ANO2: variants seen among roughly 807,000 people sequenced by gnomAD.
ANO2 encodes the protein anoctamin-2.
Under a neutral mutation model 124.2 loss-of-function variants are expected in ANO2, and 101 were observed. The observed-to-expected ratio is 0.81, with a 90% CI of 0.69 to 0.96. ANO2 has a LOEUF of 0.96. Ranked by LOEUF, ANO2 falls within the 40% of genes least tolerant of loss-of-function variation. The pLI is 0.00. For missense variants in ANO2, 1,293 were observed against 1,274.5 expected, an observed-to-expected ratio of 1.01 and a Z score of -0.22; for synonymous variants, 486 against 482.5, an observed-to-expected ratio of 1.01 and a Z score of -0.09.
At chr12:5,692,624 C>G (rs1948992141) in intron 14 of ANO2, among the ~76,000 whole-genome samples, 1 of 152,152 alleles carries the variant, frequency 6.6e-6, no homozygotes, top group Non-Finnish European at 1.5e-5. Context: ...GGCGGCAATT[C>G]ACAGTGCCCA....
rs189724426 is a variant in ANO2 at position 5,825,550 on chromosome 12, G to A, written c.892+2219C>T. ...TTCAGAGGGAGGAATGCTGCCACCA[G>A]GAGACACAACAACAATTCCATTAAA... On this transcript the variant is annotated intron_variant, in intron 7 of 24. Transcript: ENST00000682330. Among the ~76,000 whole-genome samples the A allele has an allele frequency of 4.6e-5, 7 of 151,314 alleles. No individual in the cohort carries two copies. The East Asian group carries it at 1.4e-3, about 29-fold the overall frequency.
At position 5,799,488 on chromosome 12, in the gene ANO2, G is replaced by A. The variant is rs747204933; in HGVS notation, c.1055+19C>T. The A allele has an allele frequency of 2.5e-6, 4 of 1,609,518 alleles. No individual in the cohort carries two copies. Among genetic ancestry groups the A allele is most frequent in the Non-Finnish European group, 2.6e-6 (3 of 1,176,394 alleles). On this transcript the variant is annotated intron_variant, in intron 10 of 24. Coordinates refer to ENST00000682330, the MANE Select transcript of ANO2 (RefSeq NM_001364791.2). ...TTGCATCTCCAGGATACTTCCAAAA[G>A]TTCCCTACCACCTCTTACCTGATGA...
At position 5,830,448 on chromosome 12, in the gene ANO2, G is replaced by T; in HGVS notation, c.827C>A (p.Thr276Asn). The T allele has an allele frequency of 6.2e-7, 1 of 1,612,948 alleles. No homozygotes were observed. Among genetic ancestry groups the T allele is most frequent in the Non-Finnish European group, 8.5e-7 (1 of 1,179,570 alleles). ...CCATTTACTTACAATGCGGCTGCGG[G>T]TGGCATTATCAAAGAAGGTGTCCTT... ...QEKDTFFDNA[T>N]RSRIVHEILK... The change falls in exon 6 of 25, where the codon ACC (threonine) becomes AAC (asparagine). Residue 276 changes from threonine (T) to asparagine (N), a missense_variant. Transcript: ENST00000682330.
At chr12:5,933,470 A>G (rs1274258999) in intron 1 of ANO2, among the ~76,000 whole-genome samples, 1 of 152,174 alleles carries the variant, frequency 6.6e-6, no homozygotes, top group Non-Finnish European at 1.5e-5. Flanking sequence ...AGGATAAATG[A>G]GGTGCCAGGA....
At chr12:5,810,302 G>A (rs539429372) in intron 7 of ANO2, among the ~76,000 whole-genome samples, 10 of 152,164 alleles carry the variant, frequency 6.6e-5, no homozygotes, top group East Asian at 3.9e-4. Flanking sequence ...TGGCCTCCCC[G>A]TTCACCCAGA....
At chr12:5,797,127 C>G (rs1227499960) in intron 10 of ANO2, among the ~76,000 whole-genome samples, 1 of 152,212 alleles carries the variant, frequency 6.6e-6, no homozygotes, top group Non-Finnish European at 1.5e-5. Context: ...GCGAGGCACA[C>G]GGAGGGTGCC....
chr12:5,937,582 G>C (rs1027623907), intron 1 of ANO2, among the ~76,000 whole-genome samples: 2 of 151,724 alleles, frequency 1.3e-5, no homozygotes, highest in African/African-American at 4.8e-5. Context: ...TGTCTAGTAA[G>C]TTTTATGGTA....
intron 16 of ANO2, among the ~76,000 whole-genome samples, chr12:5,624,262 A>AACAGACAG (rs372900392): frequency 6.7e-6 from 1 of 149,746 alleles, no homozygotes; most frequent in Non-Finnish European, 1.5e-5. Flanking sequence ...GAGAGAGAGA[A>AACAGACAG]ACAGACAGAC....
chr12:5,920,985 C>T, intron 3 of ANO2, 55 bp downstream of exon 3: 1 of 1,549,582 alleles, frequency 6.5e-7, no homozygotes. Flanking sequence ...TCACTAGGAG[C>T]CCGGTTCTGT....
chr12:5,944,721 C>G (rs186708253), intron 1 of ANO2, among the ~76,000 whole-genome samples: 1 of 152,292 alleles, frequency 6.6e-6, no homozygotes, highest in African/African-American at 2.4e-5. Context: ...GAAAAAACTT[C>G]TGAAACTGAG....
At chr12:5,654,283 T>A (rs147223110) in intron 14 of ANO2, among the ~76,000 whole-genome samples, 192 of 152,346 alleles carry the variant, frequency 1.3e-3, no homozygotes, top group African/African-American at 4.4e-3. Flanking sequence ...ATATTTCTGT[T>A]CAGTTGTTTA....
intron 19 of ANO2, among the ~76,000 whole-genome samples, chr12:5,601,782 G>C (rs1943953442): frequency 6.6e-6 from 1 of 152,234 alleles, no homozygotes; most frequent in African/African-American, 2.4e-5. Flanking sequence ...ACAAATTAAT[G>C]AAAATAGTCA....
intron 1 of ANO2, among the ~76,000 whole-genome samples, chr12:5,940,092 T>TGG (rs1373646265): frequency 3.3e-4 from 41 of 125,164 alleles, no homozygotes; most frequent in African/African-American, 1.5e-3. Context: ...GATGGATGGA[T>TGG]AGATGGATGG....
At chr12:5,910,836 A>T (rs528522306) in intron 3 of ANO2, among the ~76,000 whole-genome samples, 7 of 152,268 alleles carry the variant, frequency 4.6e-5, no homozygotes, top group South Asian at 4.1e-4. Flanking sequence ...ACCATTCTGT[A>T]TCCTCAGACC....
At chr12:5,791,031 C>T (rs548570515) in intron 10 of ANO2, among the ~76,000 whole-genome samples, 1 of 152,284 alleles carries the variant, frequency 6.6e-6, no homozygotes, top group Admixed American at 6.5e-5. Flanking sequence ...ACTTCAGTAA[C>T]ATCATTTCAC....
intron 1 of ANO2, 36 bp from the exon 2 acceptor site, chr12:5,922,840 T>A: frequency 6.8e-7 from 1 of 1,460,862 alleles, no homozygotes; most frequent in South Asian, 1.4e-5. Context: ...CAAAACAGCC[T>A]CAGGTGAAGG....
chr12:5,592,131 C>A (rs1336524847), intron 20 of ANO2, among the ~76,000 whole-genome samples: 1 of 152,086 alleles, frequency 6.6e-6, no homozygotes, highest in African/African-American at 2.4e-5. Flanking sequence ...GAAGGTGGCC[C>A]ACAGGTCATG....
chr12:5,667,609 C>T (rs1457676845), intron 14 of ANO2, among the ~76,000 whole-genome samples: 2 of 152,072 alleles, frequency 1.3e-5, no homozygotes, highest in Non-Finnish European at 2.9e-5. Flanking sequence ...CATAGGTAAA[C>T]GTGTGCCATG....
intron 16 of ANO2, among the ~76,000 whole-genome samples, chr12:5,622,815 T>C (rs559202148): frequency 1.3e-5 from 2 of 151,918 alleles, no homozygotes; most frequent in African/African-American, 4.8e-5. Flanking sequence ...AATACAAAAA[T>C]TAGCTGGGCG....
Sources: allele counts gnomAD v4.1 joint callset (sites outside exome capture counted in the v4.1 genomes callset), GRCh38; gene constraint gnomAD v4.1.1; transcripts MANE v1.5; gene names NCBI Gene and HGNC (gene_info 2026-07-23, HGNC 2026-07-21).